The following DSCAML1 variants were observed in gnomAD, a reference collection of about 807,000 sequenced individuals.
DSCAML1 encodes DS cell adhesion molecule like 1, also known as cell adhesion molecule DSCAML1.
A neutral mutation model predicts 200.5 loss-of-function variants in DSCAML1; 38 were observed. The observed-to-expected ratio is 0.19, with a 90% confidence interval of 0.15 to 0.25. DSCAML1 has a LOEUF of 0.25. Among genes scored for constraint, DSCAML1 ranks in the 10% least tolerant of loss-of-function variants. The pLI is 1.00. For synonymous variants in DSCAML1, 1,215 were observed against 1,165.0 expected (o/e 1.04, Z -0.87); for missense variants, 2,223 against 2,858.8 (o/e 0.78, Z 5.07).
chr11:117,752,002 T>C lies in DSCAML1; in HGVS notation c.511+24789A>G, dbSNP rs539862819. Among the ~76,000 whole-genome samples, 117 of 152,218 alleles carry C rather than the reference T, an allele frequency of 7.7e-4. 4 individuals are homozygous for C. In the South Asian group the frequency reaches 0.023, roughly 30 times the overall value. On this transcript the variant is annotated intron_variant, in intron 3 of 32. Coordinates refer to ENST00000651296, the MANE Select transcript of DSCAML1 (RefSeq NM_020693.4). ...TTCATAAAGGGAATTATTGACCTAA[T>C]TGTTATTTAACACCACCAATTCACA... is the stretch of plus-strand genomic sequence containing the variant.
At chr11:117,429,440 G>A (rs1237288622) in intron 32 of DSCAML1, among the ~76,000 whole-genome samples, 1 of 152,132 alleles carries the variant, frequency 6.6e-6, no homozygotes, top group East Asian at 1.9e-4. Context: ...GTCTCGCTCT[G>A]TCATCCAGGC....
Position 117,437,193 on chromosome 11 carries a change from C to A in DSCAML1, c.4649G>T (p.Arg1550Leu), listed in dbSNP as rs200945385. The change falls in exon 26 of 33, where the codon CGC (arginine) becomes CTC (leucine). Residue 1550 changes from arginine (R) to leucine (L), a missense_variant. Transcript: ENST00000651296. This position sits in a 1 kb window ranked among gnomAD's most constrained non-coding sequence, Gnocchi z 5.3. ...ELREATWYEL[R>L]MRACNSAGCG... ...GCCCGCACTGTTGCAAGCCCTCATG[C>A]GCAGCTCGTACCACGTGGCCTCTCG... The A allele has an allele frequency of 6.2e-7, 1 of 1,614,222 alleles. No homozygotes were observed. Among genetic ancestry groups the A allele is most frequent in the Non-Finnish European group, 8.5e-7 (1 of 1,180,040 alleles).
At chr11:117,532,314 A>G in intron 4 of DSCAML1, 62 bp downstream of exon 4, 1 of 1,548,732 alleles carries the variant, frequency 6.5e-7, no homozygotes, top group Non-Finnish European at 8.7e-7. Context: ...GCCAAGTTCC[A>G]GGGATGGCCT....
rs2047702223 is a variant in DSCAML1 at position 117,428,302 on chromosome 11, AG to A, written c.*25del. 8 of 1,309,640 alleles carry A rather than the reference AG, an allele frequency of 6.1e-6. No homozygotes were observed. Among genetic ancestry groups the A allele is most frequent in the Non-Finnish European group, 8.7e-6 (8 of 918,542 alleles). 81.1% of individuals were successfully genotyped at this position (1,309,640 alleles called of 1,614,324 possible). On this transcript the variant is annotated 3_prime_UTR_variant, in exon 33 of 33. Transcript: ENST00000651296. ...GTGGGGCTGCGGCGCGGCGCGGTCC[AG>A]GCGTGGCTGCTCTTCCTGCGGGCCC...
chr11:117,533,655 C>T (rs2050119733), intron 3 of DSCAML1, among the ~76,000 whole-genome samples: 1 of 152,218 alleles, frequency 6.6e-6, no homozygotes, highest in Non-Finnish European at 1.5e-5. Context: ...GCAGGAAGCA[C>T]AGGTGGCAGC....
chr11:117,444,981 C>T (rs1052281742), intron 20 of DSCAML1, among the ~76,000 whole-genome samples: 1 of 152,168 alleles, frequency 6.6e-6, no homozygotes. Context: ...AGAGCAGCCC[C>T]AGAACAGATG....
chr11:117,540,391 C>T (rs1208737401), intron 3 of DSCAML1, among the ~76,000 whole-genome samples: 2 of 152,164 alleles, frequency 1.3e-5, no homozygotes, highest in African/African-American at 2.4e-5. Flanking sequence ...CAGTTTCACC[C>T]GTATCCCCCT....
At chr11:117,796,596 G>T (rs1175419590) in intron 1 of DSCAML1, among the ~76,000 whole-genome samples, 1 of 152,240 alleles carries the variant, frequency 6.6e-6, no homozygotes, top group Non-Finnish European at 1.5e-5. Flanking sequence ...CATAGCGGAG[G>T]AATCAGCCGC....
chr11:117,780,565 C>G lies in DSCAML1; in HGVS notation c.292G>C (p.Asp98His). 1 of 1,556,792 alleles carries G rather than the reference C, an allele frequency of 6.4e-7. No individual in the cohort carries two copies. The highest frequency in any genetic ancestry group is 8.7e-7 in the Non-Finnish European group (1 of 1,149,418). ...SPSAFNSFIH[D>H]NDYFCTAENA... ...TCCGCGGTGCAGAAGTAGTCATTGT[C>G]GTGGATAAAGCTATTGAAGGCGGAG... is the stretch of plus-strand genomic sequence containing the variant. Residue 98 changes from aspartate to histidine, a missense_variant, in exon 2 of 33, where the codon GAC becomes CAC. Physicochemically the swap from Asp to His is moderately conservative, Grantham distance 81 (BLOSUM62 -1). Coordinates refer to ENST00000651296, the MANE Select transcript of DSCAML1 (RefSeq NM_020693.4). This position sits in a 1 kb window ranked among gnomAD's most constrained non-coding sequence, Gnocchi z 4.8.
chr11:117,443,942 G>A lies in DSCAML1; in HGVS notation c.3806C>T (p.Thr1269Ile), dbSNP rs747493485. 2 of 1,613,284 alleles carry A rather than the reference G, an allele frequency of 1.2e-6. No individual in the cohort carries two copies. The highest frequency in any genetic ancestry group is 1.7e-6 in the Non-Finnish European group (2 of 1,179,864). Residue 1269 changes from threonine to isoleucine, a missense_variant, in exon 21 of 33, where the codon ACC becomes ATC. Thr to Ile is a moderately conservative substitution (Grantham distance 89). Transcript: ENST00000651296. ...QQYLLWVAAV[T>I]SAGRGNSSEK... ...GCTGCTGTTGCCCCGGCCGGCAGAG[G>A]TGACGGCGGCCACCCACAGCAGATA...
At chr11:117,782,116 C>T (rs967062618) in intron 1 of DSCAML1, among the ~76,000 whole-genome samples, 6 of 152,164 alleles carry the variant, frequency 3.9e-5, no homozygotes, top group Non-Finnish European at 8.8e-5. Flanking sequence ...GTTTAAAGAA[C>T]GTTGCAGGGG....
chr11:117,488,565 G>C lies in DSCAML1; in HGVS notation c.2360-6403C>G, dbSNP rs529427299. ...GACACACACACACACACCACACACAGAGGGGCAGTGTCAGAAACACACCTC... is the reference window on the plus strand; with the variant it reads ...GACACACACACACACACCACACACACAGGGGCAGTGTCAGAAACACACCTC... On this transcript the variant is annotated intron_variant, in intron 11 of 32. Transcript: ENST00000651296. 3.1e-4 allele frequency among the ~76,000 whole-genome samples: 47 copies of C among 151,490 alleles called. No individual in the cohort carries two copies. In the South Asian group the frequency reaches 3.1e-3, roughly 10 times the overall value.
chr11:117,505,396 A>T lies in DSCAML1; in HGVS notation c.2062+58T>A. Reference sequence around the variant, plus strand: ...TTGGAACTGGAAATCTAGAGACTGCAGTAGCAGCAGGCAGAATGGGCTCCT... The same window carrying T: ...TTGGAACTGGAAATCTAGAGACTGCTGTAGCAGCAGGCAGAATGGGCTCCT... On this transcript the variant is annotated intron_variant, in intron 9 of 32. Transcript: ENST00000651296. The surrounding 1 kb of genome is among the most constrained non-coding windows in gnomAD (Gnocchi z 6.7). 8 of 1,577,192 alleles carry T rather than the reference A, an allele frequency of 5.1e-6. No individual in the cohort carries two copies. Among genetic ancestry groups the T allele is most frequent in the South Asian group, 2.3e-5 (2 of 88,396 alleles).
chr11:117,552,946 G>A (rs1350060370), intron 3 of DSCAML1, among the ~76,000 whole-genome samples: 1 of 152,226 alleles, frequency 6.6e-6, no homozygotes, highest in Non-Finnish European at 1.5e-5. Context: ...GGGGAAGTGC[G>A]TGGTTGGGAA....
rs866543874 is a variant in DSCAML1 at position 117,469,812 on chromosome 11, A to C, written c.3024+98T>G. 12 of 1,124,648 alleles carry C rather than the reference A, an allele frequency of 1.1e-5. No homozygotes were observed. The African/African-American group carries it at 1.4e-4, about 13-fold the overall frequency. The allele number at this position is 1,124,648 out of a possible 1,614,324, so 69.7% of individuals were successfully genotyped here. On this transcript the variant is annotated intron_variant, in intron 16 of 32. Coordinates refer to ENST00000651296, the MANE Select transcript of DSCAML1 (RefSeq NM_020693.4). This position sits in a 1 kb window ranked among gnomAD's most constrained non-coding sequence, Gnocchi z 4.1. The stretch of plus-strand genomic sequence containing the variant: ...ACAAAACAGACATGGGCATCATATA[A>C]GACTAGAGACTAGCAAGCCTGCTGG...
chr11:117,538,773 T>C lies in DSCAML1; in HGVS notation c.512-6251A>G, dbSNP rs1179404607. Among the ~76,000 whole-genome samples, 3 of 48,130 alleles carry C rather than the reference T, an allele frequency of 6.2e-5. No homozygotes were observed. The Admixed American group carries it at 8.2e-4, about 13-fold the overall frequency. The allele number at this position is 48,130 out of a possible 152,430, so 31.6% of individuals were successfully genotyped here. A position where few individuals can be genotyped will look rare whatever the true frequency, so the allele number is the denominator to read the frequency against. ...TGGCTGCTCTGCTCTCAGGGAGGGG[T>C]GAGGGGGAGTGTGGTGGGGAGAAGG... is the stretch of plus-strand genomic sequence containing the variant. On this transcript the variant is annotated intron_variant, in intron 3 of 32. Transcript: ENST00000651296.
chr11:117,457,191 C>T (rs889051536), intron 19 of DSCAML1, among the ~76,000 whole-genome samples: 1 of 152,220 alleles, frequency 6.6e-6, no homozygotes, highest in Non-Finnish European at 1.5e-5. Context: ...TTCCATGCTG[C>T]GGCGCCGCCT....
chr11:117,727,224 A>G (rs1233347694), intron 3 of DSCAML1, among the ~76,000 whole-genome samples: 3 of 152,214 alleles, frequency 2.0e-5, no homozygotes, highest in African/African-American at 7.2e-5. Flanking sequence ...GGTTGATGAT[A>G]AAAGTTCTGC....
At chr11:117,581,716 A>G (rs1278480477) in intron 3 of DSCAML1, among the ~76,000 whole-genome samples, 1 of 152,142 alleles carries the variant, frequency 6.6e-6, no homozygotes, top group Non-Finnish European at 1.5e-5. Context: ...TCCCCGTTTT[A>G]TAGATGAAGC....
Sources: gnomAD v4.1 joint callset for allele counts (sites outside exome capture counted in the v4.1 genomes callset) on GRCh38, gnomAD v4.1.1 for gene constraint, Gnocchi (gnomAD v3.1) non-coding constraint, MANE v1.5 for transcripts, NCBI Gene and HGNC (gene_info 2026-07-23, HGNC 2026-07-21) for gene names.